Variants in TNIP2 observed in about 807,000 individuals in gnomAD.
The protein encoded by TNIP2 is TNFAIP3-interacting protein 2.
A neutral mutation model predicts 43.7 loss-of-function variants in TNIP2; 30 were observed. The observed-to-expected ratio is 0.69, with a 90% CI of 0.51 to 0.93. TNIP2 has a LOEUF of 0.93. TNIP2 is among the 40% of genes least tolerant of loss of function. The probability of loss-of-function intolerance (pLI) is 0.00; values close to 1 mark genes in which losing one functional copy is unlikely to be tolerated. For missense variants in TNIP2, 599 were observed against 591.0 expected (o/e 1.01, Z -0.14); for synonymous variants, 260 against 254.6 (o/e 1.02, Z -0.20).
chr4:2,741,904 C>T lies in TNIP2; in HGVS notation c.*353G>A, dbSNP rs938303495. The T allele has an allele frequency of 3.0e-5, 6 of 202,994 alleles. No individual in the cohort carries two copies. The allele number at this position is 202,994 out of a possible 1,614,324, so 12.6% of individuals were successfully genotyped here. A position where few individuals can be genotyped will look rare whatever the true frequency, so the allele number is the denominator to read the frequency against. ...TGGGGCTCCCACCCTGGGGACCATA[C>T]AAGTGACTCCCTCAGGCAGCCACCC... On this transcript the variant is annotated 3_prime_UTR_variant, in exon 6 of 6. Transcript: ENST00000315423.
At chr4:2,755,845 A>C in intron 1 of TNIP2, 169 bp downstream of exon 1, 12 of 473,344 alleles carry the variant, frequency 2.5e-5, no homozygotes, top group Non-Finnish European at 2.0e-5. Flanking sequence ...CTCAACTCCC[A>C]GGACCTGGTG....
rs1459729678 is a variant in TNIP2, at chr4:2,747,407, G to A, written c.567+248C>T. 28 of 470,808 alleles carry A rather than the reference G, an allele frequency of 5.9e-5. 1 individual carries two copies. The highest frequency in any genetic ancestry group is 8.4e-5 in the Non-Finnish European group (22 of 262,062). The allele number at this position is 470,808 out of a possible 1,614,324, so 29.2% of individuals were successfully genotyped here. ...AAGCCAAGTGCCATCTCCCACCTGGGAGCGGGGTCGGCCACAGGCCTGGTG... is the reference window on the plus strand; with the variant it reads ...AAGCCAAGTGCCATCTCCCACCTGGAAGCGGGGTCGGCCACAGGCCTGGTG... On this transcript the variant is annotated intron_variant, in intron 2 of 5. Transcript: ENST00000315423.
At chr4:2,751,133 C>T (rs1560647813) in intron 1 of TNIP2, among the ~76,000 whole-genome samples, 1 of 152,240 alleles carries the variant, frequency 6.6e-6, no homozygotes, top group Non-Finnish European at 1.5e-5. Flanking sequence ...TGGCATTTGT[C>T]ACTGGCTCTG....
At position 2,747,641 on chromosome 4, in the gene TNIP2, A is replaced by G. The variant is rs771520143; in HGVS notation, c.567+14T>C. The G allele has an allele frequency of 1.1e-5, 17 of 1,590,864 alleles. 1 individual carries two copies. The South Asian group carries it at 1.8e-4, about 17-fold the overall frequency. On this transcript the variant is annotated intron_variant, in intron 2 of 5. Transcript: ENST00000315423. ...CAGAGGTCTTCCCCACACTCTGCTT[A>G]CACTGTGGCCTACCTGGTCAGGACT... is the stretch of plus-strand genomic sequence containing the variant.
chr4:2,744,539 A>G lies in TNIP2; in HGVS notation c.907-33T>C. On this transcript the variant is annotated intron_variant, in intron 4 of 5. Coordinates refer to ENST00000315423, the MANE Select transcript of TNIP2 (RefSeq NM_024309.4). The surrounding 1 kb of genome is among the most constrained non-coding windows in gnomAD (Gnocchi z 5.1). ...GAGGCGAGACACACATTTCTGCTCAAGGAAGGAGGAAGCGCCCCACCAGGC... is the reference window on the plus strand; with the variant it reads ...GAGGCGAGACACACATTTCTGCTCAGGGAAGGAGGAAGCGCCCCACCAGGC... The G allele has an allele frequency of 1.9e-6, 3 of 1,613,462 alleles. No homozygotes were observed. Among genetic ancestry groups the G allele is most frequent in the Non-Finnish European group, 2.5e-6 (3 of 1,179,670 alleles).
At chr4:2,753,221 T>A (rs1722145780) in intron 1 of TNIP2, among the ~76,000 whole-genome samples, 1 of 152,064 alleles carries the variant, frequency 6.6e-6, no homozygotes, top group South Asian at 2.1e-4. Context: ...GGAGGATCAC[T>A]TGAAGAAAGG....
chr4:2,745,085 T>C, intron 3 of TNIP2, 140 bp from the exon 4 acceptor site: 1 of 1,154,398 alleles, frequency 8.7e-7, no homozygotes, highest in East Asian at 2.6e-5. Flanking sequence ...CTCCCTGTTC[T>C]GTAGAGAGCA....
In TNIP2 at chr4:2,746,621, C is replaced by CTGA. The variant is rs367814443; in HGVS notation, c.567+1031_567+1033dup. 1.2e-3 allele frequency among the ~76,000 whole-genome samples: 180 copies of CTGA among 152,374 alleles called. 1 individual carries two copies. The highest frequency in any genetic ancestry group is 4.1e-3 in the African/African-American group (170 of 41,598). On this transcript the variant is annotated intron_variant, in intron 2 of 5. Transcript: ENST00000315423. ...CCCAGTGGGCGCCTCGGTGAAGCTGCTGATGGGTGCGGGATGTACTGTCTG... is the reference window on the plus strand; with the variant it reads ...CCCAGTGGGCGCCTCGGTGAAGCTGCTGATGATGGGTGCGGGATGTACTGTCTG...
At position 2,744,521 on chromosome 4, in the gene TNIP2, G is replaced by A. The variant is rs750521332; in HGVS notation, c.907-15C>T. On this transcript the variant is annotated splice_polypyrimidine_tract_variant and intron_variant, in intron 4 of 5. Coordinates refer to ENST00000315423, the MANE Select transcript of TNIP2 (RefSeq NM_024309.4). This position sits in a 1 kb window ranked among gnomAD's most constrained non-coding sequence, Gnocchi z 5.1. Reference sequence around the variant, plus strand: ...TAAGCGAGAATCTGAAGAGAGGCGAGACACACATTTCTGCTCAAGGAAGGA... The same window carrying A: ...TAAGCGAGAATCTGAAGAGAGGCGAAACACACATTTCTGCTCAAGGAAGGA... 8.1e-6 allele frequency: 13 copies of A among 1,614,050 alleles called. No individual in the cohort carries two copies. In the South Asian group the frequency reaches 1.3e-4, roughly 16 times the overall value.
chr4:2,747,692 T>C lies in TNIP2; in HGVS notation c.530A>G (p.His177Arg). ...TCTCTCCCCCACATTCCTTTGTGCA[T>C]GCTGTCGTTCATCCAGACACTTGGC... Reference protein sequence around the residue: ...HLAKCLDERQHAQRNVGERSP... With the variant: ...HLAKCLDERQRAQRNVGERSP... The change falls in exon 2 of 6, where the codon CAT (histidine) becomes CGT (arginine). Residue 177 changes from histidine (H) to arginine (R), a missense_variant. Physicochemically the swap from His to Arg is conservative, Grantham distance 29. Transcript: ENST00000315423. 3 of 1,601,642 alleles carry C rather than the reference T, an allele frequency of 1.9e-6. No individual in the cohort carries two copies. The highest frequency in any genetic ancestry group is 1.1e-5 in the South Asian group (1 of 91,064).
At position 2,744,494 on chromosome 4, in the gene TNIP2, T is replaced by C; in HGVS notation, c.919A>G (p.Lys307Glu). Residue 307 changes from lysine (K) to glutamate (E), a missense_variant, in exon 5 of 6, where the codon AAG becomes GAG. Lys to Glu is a moderately conservative substitution (Grantham distance 56). Coordinates refer to ENST00000315423, the MANE Select transcript of TNIP2 (RefSeq NM_024309.4). This position sits in a 1 kb window ranked among gnomAD's most constrained non-coding sequence, Gnocchi z 5.1. ...GCCCTTTCTGACATGAAGTCATCCT[T>C]GTAAGCGAGAATCTGAAGAGAGGCG... is the stretch of plus-strand genomic sequence containing the variant. The part of the protein sequence containing the change: ...QMLEQQILAY[K>E]DDFMSERADR... 4.3e-6 allele frequency: 7 copies of C among 1,614,154 alleles called. No individual in the cohort carries two copies. The highest frequency in any genetic ancestry group is 5.9e-6 in the Non-Finnish European group (7 of 1,180,020).
intron 1 of TNIP2, among the ~76,000 whole-genome samples, chr4:2,753,725 C>T (rs1166434959): frequency 6.6e-6 from 1 of 152,186 alleles, no homozygotes; most frequent in Non-Finnish European, 1.5e-5. Context: ...CCTTCCGGGT[C>T]CTTGGTCTGT....
At chr4:2,743,603 G>A (rs1721853861) in intron 5 of TNIP2, among the ~76,000 whole-genome samples, 1 of 152,160 alleles carries the variant, frequency 6.6e-6, no homozygotes, top group African/African-American at 2.4e-5. Flanking sequence ...TGGCCTCACA[G>A]CCCCAGGGTC....
At chr4:2,753,697 G>C (rs1050135216) in intron 1 of TNIP2, among the ~76,000 whole-genome samples, 2 of 152,174 alleles carry the variant, frequency 1.3e-5, no homozygotes, top group Non-Finnish European at 2.9e-5. Context: ...CAACATTCTG[G>C]AGATGACTTC....
rs758123249 is a variant in TNIP2 at position 2,745,431 on chromosome 4, G to A, written c.657+15C>T. On this transcript the variant is annotated intron_variant, in intron 3 of 5. Transcript: ENST00000315423. The stretch of plus-strand genomic sequence containing the variant: ...GCCATGTGTTCTTCTCAAACGAAAT[G>A]TGAAAGACACTCACGTGAGTCACCT... 40 of 1,590,412 alleles carry A rather than the reference G, an allele frequency of 2.5e-5. No homozygotes were observed. Among genetic ancestry groups the A allele is most frequent in the Middle Eastern group, 1.8e-4 (1 of 5,686 alleles).
chr4:2,746,633 G>A (rs538374499), intron 2 of TNIP2, among the ~76,000 whole-genome samples: 20 of 152,336 alleles, frequency 1.3e-4, no homozygotes, highest in African/African-American at 4.6e-4. Flanking sequence ...GATGGGTGCG[G>A]GATGTACTGT....
In TNIP2 at chr4:2,744,267, G is replaced by A. The variant is rs916176125; in HGVS notation, c.1026+120C>T. 12 of 1,349,328 alleles carry A rather than the reference G, an allele frequency of 8.9e-6. No individual in the cohort carries two copies. The highest frequency in any genetic ancestry group is 2.9e-5 in the African/African-American group (2 of 68,346). 83.6% of individuals were successfully genotyped at this position (1,349,328 alleles called of 1,614,324 possible). ...CTCTCCCCACAGCAGGGAGGGGCTCGCCACAACCCTCATCACCAGCAAATC... is the reference window on the plus strand; with the variant it reads ...CTCTCCCCACAGCAGGGAGGGGCTCACCACAACCCTCATCACCAGCAAATC... On this transcript the variant is annotated intron_variant, in intron 5 of 5. Coordinates refer to ENST00000315423, the MANE Select transcript of TNIP2 (RefSeq NM_024309.4). This position sits in a 1 kb window ranked among gnomAD's most constrained non-coding sequence, Gnocchi z 5.1.
chr4:2,748,179 A>ATT (rs999653728), intron 1 of TNIP2, among the ~76,000 whole-genome samples: 2 of 145,218 alleles, frequency 1.4e-5, no homozygotes, highest in Admixed American at 6.9e-5. Flanking sequence ...TTCATCTCAA[A>ATT]TTTTTTTTTT....
chr4:2,753,682 C>T (rs560369083), intron 1 of TNIP2, among the ~76,000 whole-genome samples: 49 of 152,284 alleles, frequency 3.2e-4, no homozygotes, highest in Admixed American at 2.6e-3. Context: ...TGCATCCTGT[C>T]CCACCAACAT....
Sources: gnomAD v4.1 joint callset for allele counts (sites outside exome capture counted in the v4.1 genomes callset) on GRCh38, gnomAD v4.1.1 for gene constraint, Gnocchi (gnomAD v3.1) non-coding constraint, MANE v1.5 for transcripts, NCBI Gene and HGNC (gene_info 2026-07-23, HGNC 2026-07-21) for gene names.